RALB: variants seen among roughly 807,000 people sequenced by gnomAD.
RALB encodes ras-related protein Ral-B.
In RALB, 16 loss-of-function variants were observed where a neutral mutation model predicts 21.3. That is an observed-to-expected ratio of 0.75 (90% confidence interval 0.51 to 1.14). RALB has a LOEUF of 1.14. Ranked by LOEUF, RALB falls within the 50% of genes most tolerant of loss-of-function variation. The pLI is 0.00. For synonymous variants in RALB, 93 were observed against 96.1 expected, an observed-to-expected ratio of 0.97 and a Z score of 0.19; for missense variants, 161 against 256.2, an observed-to-expected ratio of 0.63 and a Z score of 2.54.
intron 3 of RALB, among the ~76,000 whole-genome samples, chr2:120,288,477 G>A (rs1372984272): frequency 1.3e-5 from 2 of 148,938 alleles, no homozygotes; most frequent in South Asian, 2.1e-4. Flanking sequence ...GAGCCACCAC[G>A]CCTAGAAAAT....
chr2:120,255,568 A>G (rs1056586161), intron 1 of RALB, among the ~76,000 whole-genome samples: 4 of 152,258 alleles, frequency 2.6e-5, no homozygotes, highest in Non-Finnish European at 1.5e-5. Context: ...TCCAAAAAGC[A>G]GAGGGGCCAG....
chr2:120,280,954 T>C (rs551960929), intron 2 of RALB: 1 of 401,514 alleles, frequency 2.5e-6, no homozygotes, highest in South Asian at 1.8e-5. Flanking sequence ...TTTTGCTGGA[T>C]TTTGTGATGT....
chr2:120,248,736 T>C (rs952223341), upstream of RALB, among the ~76,000 whole-genome samples: 6 of 152,228 alleles, frequency 3.9e-5, no homozygotes, highest in African/African-American at 2.4e-5. Context: ...CATTGCAACC[T>C]CTGCCTCCTG....
intron 1 of RALB, among the ~76,000 whole-genome samples, chr2:120,259,952 C>G (rs1272738324): frequency 1.3e-5 from 2 of 152,216 alleles, no homozygotes; most frequent in African/African-American, 2.4e-5. Context: ...TGGGCCAGCA[C>G]TGCTGGGGGA....
At chr2:120,256,715 G>A (rs1354531910) in intron 1 of RALB, among the ~76,000 whole-genome samples, 1 of 152,164 alleles carries the variant, frequency 6.6e-6, no homozygotes, top group Non-Finnish European at 1.5e-5. Context: ...CTTCATAGCA[G>A]CATGAGAACA....
In RALB at chr2:120,277,857, G is replaced by C. The variant is rs530751967; in HGVS notation, c.-47-761G>C. Among the ~76,000 whole-genome samples, 7 of 141,858 alleles carry C rather than the reference G, an allele frequency of 4.9e-5. No individual in the cohort carries two copies. The South Asian group carries it at 1.6e-3, about 32-fold the overall frequency. The allele number at this position is 141,858 out of a possible 152,430, so 93.1% of individuals were successfully genotyped here. Reference sequence around the variant, plus strand: ...TGTGTGTTTGAATGTGAGAACATGAGCATGTGTGAATGTGAGAACATGAGT... The same window carrying C: ...TGTGTGTTTGAATGTGAGAACATGACCATGTGTGAATGTGAGAACATGAGT... On this transcript the variant is annotated intron_variant, in intron 1 of 4. Coordinates refer to ENST00000272519, the MANE Select transcript of RALB (RefSeq NM_002881.3).
chr2:120,280,053 G>C (rs1027115373), intron 2 of RALB, among the ~76,000 whole-genome samples: 9 of 152,200 alleles, frequency 5.9e-5, no homozygotes, highest in Non-Finnish European at 1.0e-4. Flanking sequence ...GTGATGTGAG[G>C]TGCAGGGCCA....
chr2:120,254,334 G>T (rs1201089641), intron 1 of RALB, among the ~76,000 whole-genome samples: 1 of 152,182 alleles, frequency 6.6e-6, no homozygotes, highest in African/African-American at 2.4e-5. Flanking sequence ...TTAGTTGTCA[G>T]CCGGTCTGCT....
intron 2 of RALB, among the ~76,000 whole-genome samples, chr2:120,284,397 T>C (rs996939368): frequency 2.3e-5 from 2 of 88,528 alleles, no homozygotes; most frequent in Non-Finnish European, 4.8e-5. Context: ...CTTTTTAAAG[T>C]GTACAATTTT....
intron 1 of RALB, among the ~76,000 whole-genome samples, chr2:120,273,438 C>T (rs182981445): frequency 1.7e-3 from 259 of 152,312 alleles, no homozygotes; most frequent in African/African-American, 6.1e-3. Context: ...GGGTAGTCCA[C>T]ATCTTGTGAC....
intron 1 of RALB, among the ~76,000 whole-genome samples, chr2:120,270,291 G>A (rs1689629563): frequency 6.6e-6 from 1 of 151,858 alleles, no homozygotes; most frequent in Non-Finnish European, 1.5e-5. Flanking sequence ...ACTGCTTCCT[G>A]TTGGGAACGC....
intron 1 of RALB, among the ~76,000 whole-genome samples, chr2:120,240,350 T>C (rs553081848): frequency 1.3e-5 from 2 of 151,894 alleles, no homozygotes; most frequent in East Asian, 3.9e-4. Flanking sequence ...AGTGGCGTGA[T>C]CTTGGTTCAC....
Position 120,294,086 on chromosome 2 carries a change from C to T in RALB, c.*826C>T. ...AAGTCCTCTCCTAACTGCCTGTCCTCTGGTTAGGCCCCTCCCTCTCCACTA... is the reference window on the plus strand; with the variant it reads ...AAGTCCTCTCCTAACTGCCTGTCCTTTGGTTAGGCCCCTCCCTCTCCACTA... On this transcript the variant is annotated 3_prime_UTR_variant, in exon 5 of 5. Transcript: ENST00000272519. 2.5e-6 allele frequency: 1 copy of T among 398,598 alleles called. No homozygotes were observed. The highest frequency in any genetic ancestry group is 2.1e-5 in the African/African-American group (1 of 48,756). The allele number at this position is 398,598 out of a possible 1,614,324, so 24.7% of individuals were successfully genotyped here. A position where few individuals can be genotyped will look rare whatever the true frequency, so the allele number is the denominator to read the frequency against.
At chr2:120,268,983 C>G (rs1262940916) in intron 1 of RALB, among the ~76,000 whole-genome samples, 1 of 152,120 alleles carries the variant, frequency 6.6e-6, no homozygotes, top group Non-Finnish European at 1.5e-5. Context: ...CTGCACGTTT[C>G]TGATAGAATT....
At chr2:120,244,295 C>T (rs1688936817) in intron 1 of RALB, among the ~76,000 whole-genome samples, 1 of 152,218 alleles carries the variant, frequency 6.6e-6, no homozygotes, top group Non-Finnish European at 1.5e-5. Context: ...AGGCCCAGGC[C>T]CAGGCTCAGG....
rs755494727 is a variant in RALB at position 120,289,542 on chromosome 2, G to GT, written c.324-31dup. The GT allele has an allele frequency of 3.8e-6, 6 of 1,597,084 alleles. No individual in the cohort carries two copies. The East Asian group carries it at 1.1e-4, about 30-fold the overall frequency. The stretch of plus-strand genomic sequence containing the variant: ...TCACAAAACCAGGGTTCGTTCTTTA[G>GT]TTTTTTTAGCTGCTGTATTTTTGGT... On this transcript the variant is annotated intron_variant, in intron 3 of 4. Transcript: ENST00000272519.
chr2:120,270,686 T>A (rs932160788), intron 1 of RALB, among the ~76,000 whole-genome samples: 1 of 152,220 alleles, frequency 6.6e-6, no homozygotes, highest in Non-Finnish European at 1.5e-5. Context: ...ATGTGAATTT[T>A]CTGACTCAGG....
At chr2:120,288,345 T>TTTTG (rs1690220204) in intron 3 of RALB, among the ~76,000 whole-genome samples, 2 of 139,948 alleles carry the variant, frequency 1.4e-5, no homozygotes, top group Admixed American at 7.1e-5. Context: ...AATTTTAGTT[T>TTTTG]TTTTTTTTGT....
At chr2:120,248,388 T>C (rs376606897), upstream of RALB, among the ~76,000 whole-genome samples, 6 of 152,274 alleles carry the variant, frequency 3.9e-5, no homozygotes, top group East Asian at 9.7e-4. Flanking sequence ...TGAGTACCCA[T>C]GTCCCTGGTG....
Sources: allele counts gnomAD v4.1 joint callset (sites outside exome capture counted in the v4.1 genomes callset), GRCh38; gene constraint gnomAD v4.1.1; transcripts MANE v1.5; gene names NCBI Gene and HGNC (gene_info 2026-07-23, HGNC 2026-07-21).